Variants in MYO7B observed in about 807,000 individuals in gnomAD.
MYO7B encodes myosin VIIB.
A neutral mutation model predicts 259.7 loss-of-function variants in MYO7B; 212 were observed. That is an observed-to-expected ratio of 0.82 (90% confidence interval 0.73 to 0.91). The LOEUF is 0.91. Ranked by LOEUF, MYO7B falls within the 40% of genes least tolerant of loss-of-function variation. The pLI is 0.00. For missense variants in MYO7B, 2,732 were observed against 2,813.5 expected, an observed-to-expected ratio of 0.97 and a Z score of 0.66; for synonymous variants, 1,197 against 1,166.4, an observed-to-expected ratio of 1.03 and a Z score of -0.54.
At position 127,628,555 on chromosome 2, in the gene MYO7B, GGGGTGGGGT is replaced by G; in HGVS notation, c.4624+24_4624+32del. On this transcript the variant is annotated intron_variant, in intron 34 of 47. Transcript: ENST00000409816. The surrounding 1 kb of genome is among the most constrained non-coding windows in gnomAD (Gnocchi z 4.8). ...CCACAGGTGCCAGACTGGGTGGGGT[GGGGTGGGGT>G]GGGGTGGGGTGGGGGAGGGCCGCGC... The G allele has an allele frequency of 4.9e-6, 6 of 1,224,568 alleles. No individual in the cohort carries two copies. The highest frequency in any genetic ancestry group is 2.8e-5 in the South Asian group (2 of 70,710). The allele number at this position is 1,224,568 out of a possible 1,614,324, so 75.9% of individuals were successfully genotyped here. A position where few individuals can be genotyped will look rare whatever the true frequency, so the allele number is the denominator to read the frequency against.
At chr2:127,629,069 G>C (rs2244880) in intron 34 of MYO7B, among the ~76,000 whole-genome samples, 60,899 of 152,038 alleles carry the variant, frequency 0.4, 12,450 homozygotes, top group South Asian at 0.55. Context: ...CCCCCGCTGG[G>C]CCAGCCTGCT....
chr2:127,569,994 T>G (rs115344891), intron 6 of MYO7B, 84 bp downstream of exon 6: 56,302 of 1,458,400 alleles, frequency 0.039, 1,329 homozygotes, highest in Middle Eastern at 0.086. Flanking sequence ...AGGGACAGGA[T>G]AGGCCACAAA....
At chr2:127,623,938 A>AGGTGTCCACACGGGCTCAGC (rs1268542310) in intron 29 of MYO7B, among the ~76,000 whole-genome samples, 155 bp from the exon 30 acceptor site, 5 of 152,168 alleles carry the variant, frequency 3.3e-5, no homozygotes, top group Admixed American at 2.0e-4. Flanking sequence ...GAAGCCCTTC[A>AGGTGTCCACACGGGCTCAGC]GGTGTCCACA....
intron 20 of MYO7B, 22 bp downstream of exon 20, chr2:127,605,950 G>A: frequency 6.9e-7 from 1 of 1,454,480 alleles, no homozygotes; most frequent in Non-Finnish European, 9.0e-7. Context: ...CTCTGGGGCG[G>A]CTGGGCCGCG....
In MYO7B at chr2:127,584,428, G is replaced by A. The variant is rs1385384419; in HGVS notation, c.1554+96G>A. On this transcript the variant is annotated intron_variant, in intron 13 of 47. Transcript: ENST00000409816. The surrounding 1 kb of genome is among the most constrained non-coding windows in gnomAD (Gnocchi z 5.8). ...TCCATTTGGGTGGGCCACTTGTTCTGAGAGTCACTAAAACCTCTGCCAGGA... is the reference window on the plus strand; with the variant it reads ...TCCATTTGGGTGGGCCACTTGTTCTAAGAGTCACTAAAACCTCTGCCAGGA... 1.5e-6 allele frequency: 2 copies of A among 1,323,196 alleles called. No individual in the cohort carries two copies. Among genetic ancestry groups the A allele is most frequent in the African/African-American group, 2.9e-5 (2 of 68,260 alleles). The allele number at this position is 1,323,196 out of a possible 1,614,324, so 82.0% of individuals were successfully genotyped here. A position where few individuals can be genotyped will look rare whatever the true frequency, so the allele number is the denominator to read the frequency against.
intron 40 of MYO7B, 149 bp downstream of exon 40, chr2:127,633,512 T>C: frequency 1.3e-6 from 1 of 766,330 alleles, no homozygotes; most frequent in South Asian, 1.8e-5. Flanking sequence ...CCTCTCCCCA[T>C]GGGATGCAGG....
At chr2:127,582,182 C>T (rs1474396713) in intron 11 of MYO7B, 122 bp from the exon 12 acceptor site, 50 of 1,464,266 alleles carry the variant, frequency 3.4e-5, no homozygotes, top group Admixed American at 8.6e-5. Flanking sequence ...TGGTTTCTTG[C>T]CTTTGAAGGA....
chr2:127,570,185 A>G (rs145736338), intron 6 of MYO7B, among the ~76,000 whole-genome samples: 1 of 152,194 alleles, frequency 6.6e-6, no homozygotes, highest in African/African-American at 2.4e-5. Context: ...GATCAAATCA[A>G]TTTGGGAAAT....
At position 127,607,665 on chromosome 2, in the gene MYO7B, C is replaced by T. The variant is rs1039017868; in HGVS notation, c.2643+241C>T. On this transcript the variant is annotated intron_variant, in intron 21 of 47. Coordinates refer to ENST00000409816, the MANE Select transcript of MYO7B (RefSeq NM_001393586.1). The surrounding 1 kb of genome is among the most constrained non-coding windows in gnomAD (Gnocchi z 4.4). ...TGAGATGTAGCTATCACGAGAGACA[C>T]ACCGTCCTCCTCTCCCTATTCAAAG... is the stretch of plus-strand genomic sequence containing the variant. Among the ~76,000 whole-genome samples, 1 of 152,202 alleles carries T rather than the reference C, an allele frequency of 6.6e-6. No individual in the cohort carries two copies. The highest frequency in any genetic ancestry group is 1.5e-5 in the Non-Finnish European group (1 of 68,034).
chr2:127,633,688 G>A (rs1426791469), intron 40 of MYO7B, among the ~76,000 whole-genome samples: 1 of 152,202 alleles, frequency 6.6e-6, no homozygotes, highest in African/African-American at 2.4e-5. Context: ...AGGAGAGCAG[G>A]TATTCCCACT....
chr2:127,630,676 G>C, intron 35 of MYO7B, 102 bp from the exon 36 acceptor site: 1 of 1,538,888 alleles, frequency 6.5e-7, no homozygotes, highest in Non-Finnish European at 8.8e-7. Context: ...CCCTGGGCCT[G>C]ACCCCTCCCA....
intron 7 of MYO7B, 104 bp downstream of exon 7, chr2:127,574,166 C>T (rs943864299): frequency 3.5e-6 from 5 of 1,416,398 alleles, no homozygotes; most frequent in Non-Finnish European, 3.9e-6. Context: ...CCCCAAGGGC[C>T]CTCCCAGAAC....
intron 6 of MYO7B, among the ~76,000 whole-genome samples, chr2:127,570,643 G>C (rs1464501529): frequency 1.3e-5 from 2 of 152,174 alleles, no homozygotes; most frequent in East Asian, 3.8e-4. Context: ...TTCAAGTACA[G>C]TTTTGTGAGT....
Position 127,636,547 on chromosome 2 carries a change from A to G in MYO7B, c.6126A>G (p.Gln2042=), listed in dbSNP as rs1399052805. 6.8e-6 allele frequency: 11 copies of G among 1,610,134 alleles called. No individual in the cohort carries two copies. The Admixed American group carries it at 1.5e-4, about 22-fold the overall frequency. ...ACCGCCGTGTCCCTCCCTCCCAGCA[A>G]ACCTCGGAGCCTTCCTACCCGGACG... The part of the protein sequence containing the change: ...TFGSAFFEVK[Q]TSEPSYPDVI... The change falls in exon 46 of 48, where the codon CAA becomes CAG. Residue 2042 remains glutamine, a splice_region_variant and synonymous_variant. Coordinates refer to ENST00000409816, the MANE Select transcript of MYO7B (RefSeq NM_001393586.1). The surrounding 1 kb of genome is among the most constrained non-coding windows in gnomAD (Gnocchi z 4.5).
chr2:127,595,854 T>A (rs113125357), intron 18 of MYO7B, among the ~76,000 whole-genome samples: 5 of 152,250 alleles, frequency 3.3e-5, no homozygotes, highest in Admixed American at 1.3e-4. Context: ...TTCCGTTCTT[T>A]TGCATTTGCT....
In MYO7B at chr2:127,637,405, G is replaced by T. The variant is rs1573737586; in HGVS notation, c.6417G>T (p.Leu2139=). The T allele has an allele frequency of 6.5e-7, 1 of 1,542,940 alleles. No individual in the cohort carries two copies. The highest frequency in any genetic ancestry group is 2.3e-5 in the East Asian group (1 of 43,540). The change falls in exon 48 of 48, where the codon CTG becomes CTT. Residue 2139 remains leucine, a synonymous_variant. Coordinates refer to ENST00000409816, the MANE Select transcript of MYO7B (RefSeq NM_001393586.1). The stretch of plus-strand genomic sequence containing the variant: ...AGCGGGGCTCCAAGGCCCCAGCCCT[G>T]GCCAGCACCTAGCAGCGGATGCTGG... ...NKQRGSKAPA[L]AST is the part of the protein sequence containing the mutation.
chr2:127,591,125 G>C (rs563801845), intron 16 of MYO7B, among the ~76,000 whole-genome samples: 1 of 152,360 alleles, frequency 6.6e-6, no homozygotes, highest in African/African-American at 2.4e-5. Context: ...GGAGGTCAAG[G>C]CTGCAGTGAA....
At chr2:127,575,812 G>A (rs1332119102) in intron 7 of MYO7B, among the ~76,000 whole-genome samples, 1 of 151,872 alleles carries the variant, frequency 6.6e-6, no homozygotes, top group Non-Finnish European at 1.5e-5. Context: ...GTAGAGGTGA[G>A]GTCTCACTAT....
At chr2:127,550,230 G>A (rs1014423131) in intron 1 of MYO7B, among the ~76,000 whole-genome samples, 1 of 152,116 alleles carries the variant, frequency 6.6e-6, no homozygotes, top group Non-Finnish European at 1.5e-5. Context: ...ATACTGGGCA[G>A]ACAAAAGTCA....
Sources: allele counts gnomAD v4.1 joint callset (sites outside exome capture counted in the v4.1 genomes callset), GRCh38; gene constraint gnomAD v4.1.1; non-coding constraint Gnocchi (gnomAD v3.1); transcripts MANE v1.5; gene names NCBI Gene and HGNC (gene_info 2026-07-23, HGNC 2026-07-21).